The following LRP1B variants were observed in gnomAD, a reference collection of about 807,000 sequenced individuals.
The protein encoded by LRP1B is low-density lipoprotein receptor-related protein 1B.
Under a neutral mutation model 556.6 loss-of-function variants are expected in LRP1B, and 217 were observed. The ratio of observed to expected loss-of-function variants is 0.39; its 90% CI spans 0.35 to 0.44. The LOEUF (loss-of-function observed/expected upper bound fraction) is 0.44. LRP1B is among the 20% of genes least tolerant of loss of function. The pLI, the probability that LRP1B is intolerant of heterozygous loss-of-function variation, is 1.00. For synonymous variants in LRP1B, 2,047 were observed against 1,865.8 expected, an observed-to-expected ratio of 1.10 and a Z score of -2.50; for missense variants, 5,053 against 5,620.8, an observed-to-expected ratio of 0.90 and a Z score of 3.23.
chr2:141,835,983 G>A (rs1697262884), intron 1 of LRP1B, among the ~76,000 whole-genome samples: 2 of 151,888 alleles, frequency 1.3e-5, no homozygotes, highest in African/African-American at 4.8e-5. Context: ...GATATGTAAT[G>A]ATTACAAAAC....
intron 22 of LRP1B, among the ~76,000 whole-genome samples, chr2:140,905,280 A>G (rs1553557077): frequency 6.6e-6 from 1 of 151,952 alleles, no homozygotes; most frequent in Non-Finnish European, 1.5e-5. Context: ...AACAATCCCT[A>G]GCACATTGTC....
At chr2:142,036,702 C>A (rs1703894226) in intron 1 of LRP1B, among the ~76,000 whole-genome samples, 1 of 151,532 alleles carries the variant, frequency 6.6e-6, no homozygotes, top group South Asian at 2.1e-4. Context: ...AGCTGCTTTC[C>A]TGAGTTAAAT....
chr2:141,914,469 T>G (rs1487604637), intron 1 of LRP1B, among the ~76,000 whole-genome samples: 2 of 152,106 alleles, frequency 1.3e-5, no homozygotes, highest in Non-Finnish European at 2.9e-5. Flanking sequence ...CTCTCACCAT[T>G]CCAAATCAAC....
At chr2:140,855,493 G>GAAAA (rs56835236) in intron 27 of LRP1B, among the ~76,000 whole-genome samples, 5 of 99,414 alleles carry the variant, frequency 5.0e-5, no homozygotes, top group Non-Finnish European at 6.1e-5. Context: ...TCTCTACTGG[G>GAAAA]AAAAAAAAAA....
intron 55 of LRP1B, among the ~76,000 whole-genome samples, chr2:140,498,001 A>T (rs1478731553): frequency 6.6e-6 from 1 of 151,914 alleles, no homozygotes; most frequent in Non-Finnish European, 1.5e-5. Flanking sequence ...TAATAAAAAT[A>T]TTTTTGGTCT....
chr2:140,235,521 T>C (rs545436257), intron 89 of LRP1B, among the ~76,000 whole-genome samples: 1 of 151,308 alleles, frequency 6.6e-6, no homozygotes, highest in African/African-American at 2.4e-5. Flanking sequence ...TAGCTGTTTT[T>C]TTCTGTAGTT....
intron 37 of LRP1B, among the ~76,000 whole-genome samples, chr2:140,711,170 C>A (rs1236478172): frequency 6.6e-6 from 1 of 152,026 alleles, no homozygotes; most frequent in Non-Finnish European, 1.5e-5. Context: ...TTCACATATT[C>A]TCTTTTCCTT....
At chr2:140,922,560 G>A (rs1392242990) in intron 21 of LRP1B, among the ~76,000 whole-genome samples, 1 of 151,936 alleles carries the variant, frequency 6.6e-6, no homozygotes, top group Non-Finnish European at 1.5e-5. Flanking sequence ...TACGGAAAGA[G>A]AAATGCTGCC....
At chr2:140,502,266 T>C (rs1273847321) in intron 54 of LRP1B, among the ~76,000 whole-genome samples, 1 of 151,986 alleles carries the variant, frequency 6.6e-6, no homozygotes, top group Non-Finnish European at 1.5e-5. Flanking sequence ...GAATCTAGAA[T>C]AGGTAGATAT....
rs1680516838 is a variant in LRP1B at position 140,232,534 on chromosome 2, A to G, written c.*652T>C. 1 of 151,796 alleles carries G rather than the reference A, an allele frequency of 6.6e-6. No individual in the cohort carries two copies. The highest frequency in any genetic ancestry group is 2.1e-4 in the South Asian group (1 of 4,822). The allele number at this position is 151,796 out of a possible 1,614,324, so 9.4% of individuals were successfully genotyped here. On this transcript the variant is annotated 3_prime_UTR_variant, in exon 91 of 91. Transcript: ENST00000389484. ...AAGGTGTATACATTTAGTACATCAC[A>G]TAGAGTCCACTAAGTTTTGGAAAAT...
intron 32 of LRP1B, among the ~76,000 whole-genome samples, chr2:140,808,615 T>C (rs913775604): frequency 6.6e-6 from 1 of 152,188 alleles, no homozygotes; most frequent in Non-Finnish European, 1.5e-5. Context: ...ATCTGCTTTA[T>C]GGTCTGTCTT....
chr2:140,356,231 T>C, intron 75 of LRP1B, 111 bp downstream of exon 75: 1 of 1,114,482 alleles, frequency 9.0e-7, no homozygotes, highest in Non-Finnish European at 1.3e-6. Context: ...ATCCCGTAGA[T>C]ACACACCATT....
chr2:141,367,120 A>C (rs1042788277), intron 3 of LRP1B, among the ~76,000 whole-genome samples: 1 of 152,224 alleles, frequency 6.6e-6, no homozygotes, highest in South Asian at 2.1e-4. Flanking sequence ...CTTTGATAAA[A>C]TATATAAGAG....
intron 41 of LRP1B, among the ~76,000 whole-genome samples, chr2:140,642,542 C>T (rs1325768009): frequency 6.6e-6 from 1 of 152,004 alleles, no homozygotes; most frequent in Non-Finnish European, 1.5e-5. Flanking sequence ...GTACACCTCA[C>T]ATAGGAAGGG....
chr2:140,495,873 C>A, intron 55 of LRP1B, 125 bp from the exon 56 acceptor site: 1 of 710,166 alleles, frequency 1.4e-6, no homozygotes, highest in Non-Finnish European at 2.3e-6. Context: ...TTTCTGTCTC[C>A]CAGCATTTGA....
intron 1 of LRP1B, among the ~76,000 whole-genome samples, chr2:141,945,931 G>GATTTATTTATTTATTT (rs140141783): frequency 1.3e-5 from 2 of 150,920 alleles, no homozygotes; most frequent in African/African-American, 4.9e-5. Context: ...AAACCAGCAG[G>GATTTATTTATTTATTT]ATTTATTTAT....
intron 1 of LRP1B, among the ~76,000 whole-genome samples, chr2:141,815,300 A>G (rs188408566): frequency 6.6e-6 from 1 of 152,230 alleles, no homozygotes; most frequent in Non-Finnish European, 1.5e-5. Flanking sequence ...ACTGAGAAGC[A>G]GGATTAGTTT....
At chr2:141,313,731 A>G (rs2683814) in intron 3 of LRP1B, among the ~76,000 whole-genome samples, 6,977 of 152,306 alleles carry the variant, frequency 0.046, 178 homozygotes, top group South Asian at 0.11. Context: ...TATTTTGGAA[A>G]CAGAAATGTA....
At chr2:141,880,169 G>C (rs886533817) in intron 1 of LRP1B, among the ~76,000 whole-genome samples, 1 of 151,872 alleles carries the variant, frequency 6.6e-6, no homozygotes, top group African/African-American at 2.4e-5. Context: ...TCCATCAAGG[G>C]CCAAGTCTTC....
Sources: allele counts gnomAD v4.1 joint callset (sites outside exome capture counted in the v4.1 genomes callset), GRCh38; gene constraint gnomAD v4.1.1; transcripts MANE v1.5; gene names NCBI Gene and HGNC (gene_info 2026-07-23, HGNC 2026-07-21).